Variants in DYNC2I1 observed in about 807,000 individuals in gnomAD.
DYNC2I1 encodes cytoplasmic dynein 2 intermediate chain 1.
A neutral mutation model predicts 133.4 loss-of-function variants in DYNC2I1; 89 were observed. The ratio of observed to expected loss-of-function variants is 0.67; its 90% confidence interval spans 0.56 to 0.80. The LOEUF (loss-of-function observed/expected upper bound fraction) is 0.80. Ranked by LOEUF, DYNC2I1 falls within the 30% of genes least tolerant of loss-of-function variation. The pLI, the probability that DYNC2I1 is intolerant of heterozygous loss-of-function variation, is 0.00. For synonymous variants in DYNC2I1, 504 were observed against 484.3 expected (o/e 1.04, Z -0.54); for missense variants, 1,291 against 1,314.5 (o/e 0.98, Z 0.28).
chr7:158,928,745 G>A (rs950486759), intron 20 of DYNC2I1, among the ~76,000 whole-genome samples: 3 of 147,662 alleles, frequency 2.0e-5, no homozygotes, highest in Non-Finnish European at 3.0e-5. Context: ...CACAGGTCAC[G>A]GGATGGGTTA....
Position 158,856,715 on chromosome 7 carries a change from C to G in DYNC2I1, c.-21C>G. The stretch of plus-strand genomic sequence containing the variant: ...TGGCCGGGGCCGAGGACACCGCGGC[C>G]GCCCGGGCCTGCGGGAAGCGATGGA... On this transcript the variant is annotated 5_prime_UTR_variant, in exon 1 of 25. Transcript: ENST00000407559. 8.1e-7 allele frequency: 1 copy of G among 1,233,604 alleles called. No homozygotes were observed. The highest frequency in any genetic ancestry group is 1.0e-6 in the Non-Finnish European group (1 of 987,058). 76.4% of individuals were successfully genotyped at this position (1,233,604 alleles called of 1,614,324 possible). A position where few individuals can be genotyped will look rare whatever the true frequency, so the allele number is the denominator to read the frequency against.
chr7:158,931,988 C>G (rs760153340), intron 21 of DYNC2I1, among the ~76,000 whole-genome samples: 1 of 152,096 alleles, frequency 6.6e-6, no homozygotes, highest in Non-Finnish European at 1.5e-5. Context: ...AGAATGGGGC[C>G]GAGAGGAGGA....
chr7:158,891,889 G>A (rs530974758), intron 8 of DYNC2I1, among the ~76,000 whole-genome samples: 15 of 110,654 alleles, frequency 1.4e-4, no homozygotes, highest in East Asian at 4.3e-4. Flanking sequence ...TCTGAAGGAC[G>A]TAGCGCGGAG....
intron 24 of DYNC2I1, among the ~76,000 whole-genome samples, chr7:158,944,670 T>C (rs1472948111): frequency 6.6e-6 from 1 of 152,076 alleles, no homozygotes; most frequent in African/African-American, 2.4e-5. Context: ...AGCTGTCAGG[T>C]TGGATGTGAT....
chr7:158,912,135 G>C (rs1456539933), intron 12 of DYNC2I1, among the ~76,000 whole-genome samples: 1 of 152,148 alleles, frequency 6.6e-6, no homozygotes, highest in East Asian at 1.9e-4. Flanking sequence ...TCCAAGGCCT[G>C]TTTTCTGGGT....
At chr7:158,863,832 G>A (rs555433353) in intron 1 of DYNC2I1, among the ~76,000 whole-genome samples, 106 of 135,396 alleles carry the variant, frequency 7.8e-4, no homozygotes, top group Admixed American at 1.2e-3. Context: ...GTGGGGAGCC[G>A]GACGTCCTTA....
At chr7:158,886,663 G>T (rs1042455704) in intron 6 of DYNC2I1, among the ~76,000 whole-genome samples, 2 of 152,100 alleles carry the variant, frequency 1.3e-5, no homozygotes, top group Non-Finnish European at 2.9e-5. Flanking sequence ...TAGTGCAGTG[G>T]CACAATCATG....
chr7:158,918,405 G>A (rs1048728710), intron 14 of DYNC2I1, among the ~76,000 whole-genome samples: 3 of 152,012 alleles, frequency 2.0e-5, no homozygotes, highest in South Asian at 2.1e-4. Flanking sequence ...AGAGAGACTC[G>A]GTGGGTTCAT....
chr7:158,917,321 A>G (rs1190592189), intron 14 of DYNC2I1, among the ~76,000 whole-genome samples: 1 of 150,098 alleles, frequency 6.7e-6, no homozygotes, highest in East Asian at 2.0e-4. Flanking sequence ...ACGTCACTAA[A>G]CACCCCCTGC....
At chr7:158,889,300 T>A (rs1265287530) in intron 7 of DYNC2I1, among the ~76,000 whole-genome samples, 1 of 152,128 alleles carries the variant, frequency 6.6e-6, no homozygotes, top group South Asian at 2.1e-4. Context: ...CAGGGTGGTC[T>A]CGATCTCCTG....
At chr7:158,872,915 CG>C (rs1053479134) in intron 3 of DYNC2I1, among the ~76,000 whole-genome samples, 4 of 151,422 alleles carry the variant, frequency 2.6e-5, no homozygotes, top group African/African-American at 9.7e-5. Flanking sequence ...CACTTGAACC[CG>C]GGAGGAGGAG....
the DYNC2I1 span, among the ~76,000 whole-genome samples, chr7:158,845,518 A>G: frequency 2.0e-5 from 3 of 152,212 alleles, no homozygotes; most frequent in Non-Finnish European, 4.4e-5. Flanking sequence ...AAAACTCTAA[A>G]TCAGGCCTAA....
chr7:158,938,605 AATT>A (rs1334635616), intron 23 of DYNC2I1, among the ~76,000 whole-genome samples: 1 of 152,130 alleles, frequency 6.6e-6, no homozygotes, highest in Non-Finnish European at 1.5e-5. Context: ...AAAATATAAA[AATT>A]AGCCAGATGT....
chr7:158,939,782 T>C (rs1851145806), intron 23 of DYNC2I1, among the ~76,000 whole-genome samples: 1 of 152,124 alleles, frequency 6.6e-6, no homozygotes, highest in Non-Finnish European at 1.5e-5. Context: ...AGGTATTCTA[T>C]ACAACTAGAA....
intron 24 of DYNC2I1, among the ~76,000 whole-genome samples, chr7:158,943,470 C>T (rs1020697736): frequency 2.0e-5 from 3 of 152,102 alleles, no homozygotes. Context: ...AGGAAGAGGT[C>T]ACGAGCGTGG....
intron 23 of DYNC2I1, 113 bp downstream of exon 23, chr7:158,934,662 C>G: frequency 8.8e-7 from 1 of 1,137,334 alleles, no homozygotes; most frequent in Non-Finnish European, 1.2e-6. Flanking sequence ...CTCACTGCAG[C>G]CTTGAACTCC....
the DYNC2I1 span, among the ~76,000 whole-genome samples, chr7:158,846,080 TA>T: frequency 1.3e-5 from 2 of 151,900 alleles, no homozygotes; most frequent in Non-Finnish European, 2.9e-5. Context: ...GGCAACATAG[TA>T]AAACCCCATC....
chr7:158,885,751 T>G (rs1362840648), intron 6 of DYNC2I1, among the ~76,000 whole-genome samples: 1 of 152,210 alleles, frequency 6.6e-6, no homozygotes, highest in Non-Finnish European at 1.5e-5. Flanking sequence ...TACCCAAATT[T>G]TTACAAGTTT....
upstream of DYNC2I1, among the ~76,000 whole-genome samples, chr7:158,852,886 A>G (rs368808286): frequency 6.0e-4 from 92 of 152,386 alleles, 1 homozygote; most frequent in East Asian, 0.011. Context: ...GCTAATTGCT[A>G]TAAGTCTGTA....
Sources: gnomAD v4.1 joint callset for allele counts (sites outside exome capture counted in the v4.1 genomes callset) on GRCh38, gnomAD v4.1.1 for gene constraint, MANE v1.5 for transcripts, NCBI Gene and HGNC (gene_info 2026-07-23, HGNC 2026-07-21) for gene names.